Variants in MYLK3 observed in about 807,000 individuals in gnomAD.
The protein encoded by MYLK3 is myosin light chain kinase 3, also known as MLC kinase.
A neutral mutation model predicts 76.3 loss-of-function variants in MYLK3; 55 were observed. The observed-to-expected ratio is 0.72, with a 90% confidence interval of 0.58 to 0.90. The LOEUF (loss-of-function observed/expected upper bound fraction) is 0.90, where lower values mean the gene tolerates loss of function less well. MYLK3 is among the 40% of genes least tolerant of loss of function. The pLI is 0.00. For missense variants in MYLK3, 973 were observed against 1,053.6 expected (o/e 0.92, Z 1.06); for synonymous variants, 416 against 425.4 (o/e 0.98, Z 0.27).
At chr16:46,730,395 C>T (rs1596760351) in intron 5 of MYLK3, among the ~76,000 whole-genome samples, 198 bp downstream of exon 5, 1 of 152,278 alleles carries the variant, frequency 6.6e-6, no homozygotes, top group African/African-American at 2.4e-5. Flanking sequence ...GCTCTCGTGT[C>T]CTCTCAAGCT....
intron 3 of MYLK3, among the ~76,000 whole-genome samples, chr16:46,734,205 A>C (rs1380135316): frequency 6.6e-6 from 1 of 152,194 alleles, no homozygotes; most frequent in African/African-American, 2.4e-5. Context: ...GTGTCTACGC[A>C]TTATATAGCA....
upstream of MYLK3, among the ~76,000 whole-genome samples, chr16:46,748,563 C>T (rs1398211270): frequency 1.3e-5 from 2 of 152,134 alleles, no homozygotes; most frequent in African/African-American, 4.8e-5. The surrounding 1 kb of genome is among the most constrained non-coding windows in gnomAD (Gnocchi z 4.3). Context: ...ACTAATGGTT[C>T]GGAGGAAAGG....
At position 46,707,824 on chromosome 16, in the gene MYLK3, T is replaced by A. The variant is rs1173886344; in HGVS notation, c.2401-61A>T. 3.7e-5 allele frequency: 47 copies of A among 1,279,762 alleles called. 1 individual carries two copies. In the South Asian group the frequency reaches 5.5e-4, roughly 15 times the overall value. The allele number at this position is 1,279,762 out of a possible 1,614,324, so 79.3% of individuals were successfully genotyped here. ...CATGTATTTTAGACCAGTTGCCTTA[T>A]GAAGAAACAATAAAAGGATTTAAGT... On this transcript the variant is annotated intron_variant, in intron 12 of 12. Transcript: ENST00000394809.
intron 6 of MYLK3, 36 bp from the exon 7 acceptor site, chr16:46,729,169 G>T (rs373077434): frequency 6.5e-7 from 1 of 1,548,826 alleles, no homozygotes; most frequent in Non-Finnish European, 8.9e-7. Context: ...ATTTCCAAGC[G>T]AATGAGTCAA....
At chr16:46,744,787 C>T (rs1259230686) in intron 1 of MYLK3, among the ~76,000 whole-genome samples, 3 of 152,060 alleles carry the variant, frequency 2.0e-5, no homozygotes, top group Non-Finnish European at 4.4e-5. Flanking sequence ...ATTGCTTGAG[C>T]CCAGGAGTTC....
Position 46,748,182 on chromosome 16 carries a change from G to C in MYLK3, c.12C>G (p.Thr4=). 6.2e-7 allele frequency: 1 copy of C among 1,612,694 alleles called. No individual in the cohort carries two copies. The highest frequency in any genetic ancestry group is 8.5e-7 in the Non-Finnish European group (1 of 1,179,100). MSG[T]SKESLGHGGL... Reference sequence around the variant, plus strand: ...CCCCATGCCCCAGACTCTCCTTGGAGGTTCCTGACATGCTGGTGCAGGCTT... The same window carrying C: ...CCCCATGCCCCAGACTCTCCTTGGACGTTCCTGACATGCTGGTGCAGGCTT... Residue 4 remains threonine, a synonymous_variant, in exon 1 of 13, where the codon ACC becomes ACG. Transcript: ENST00000394809. This position sits in a 1 kb window ranked among gnomAD's most constrained non-coding sequence, Gnocchi z 4.3.
chr16:46,752,427 C>G (rs989629814), upstream of MYLK3, among the ~76,000 whole-genome samples: 2 of 152,066 alleles, frequency 1.3e-5, no homozygotes, highest in African/African-American at 4.8e-5. Flanking sequence ...AATGTCGTCA[C>G]CCAGGTATTA....
intron 5 of MYLK3, 21 bp downstream of exon 5, chr16:46,730,571 AC>A (rs1254164035): frequency 8.1e-6 from 13 of 1,603,158 alleles, no homozygotes; most frequent in Non-Finnish European, 1.1e-5. Flanking sequence ...AAGCCCCCCA[AC>A]CAAGGCAGAT....
chr16:46,734,757 T>C (rs1453579250), intron 3 of MYLK3, among the ~76,000 whole-genome samples: 1 of 152,174 alleles, frequency 6.6e-6, no homozygotes, highest in Non-Finnish European at 1.5e-5. Context: ...TAGTGGATGA[T>C]GAATCTCAGT....
intron 1 of MYLK3, among the ~76,000 whole-genome samples, chr16:46,758,001 C>T (rs1457184363): frequency 1.3e-5 from 2 of 152,086 alleles, no homozygotes; most frequent in Non-Finnish European, 2.9e-5. Context: ...CTGCTTGTAC[C>T]CTGGCCGGAC....
intron 8 of MYLK3, chr16:46,726,713 GAAAGAA>G (rs1471082929): frequency 1.5e-5 from 2 of 132,050 alleles, no homozygotes; most frequent in African/African-American, 5.6e-5. Context: ...AAGAAAGAAA[GAAAGAA>G]AGAAAGAAAG....
At chr16:46,737,651 C>T in intron 3 of MYLK3, 60 bp downstream of exon 3, 1 of 1,495,904 alleles carries the variant, frequency 6.7e-7, no homozygotes, top group Non-Finnish European at 9.0e-7. Context: ...CACGGCCGAG[C>T]TCCAGCGAGG....
chr16:46,717,653 T>G (rs539165710), intron 9 of MYLK3, among the ~76,000 whole-genome samples: 1 of 149,974 alleles, frequency 6.7e-6, no homozygotes, highest in South Asian at 2.1e-4. Context: ...TGCACGGGAG[T>G]CCTGAGTGCC....
chr16:46,723,603 CA>C (rs1327950989), intron 8 of MYLK3, among the ~76,000 whole-genome samples: 1 of 150,938 alleles, frequency 6.6e-6, no homozygotes, highest in Non-Finnish European at 1.5e-5. Flanking sequence ...TTTACAACCC[CA>C]CCAGCAATGT....
intron 4 of MYLK3, among the ~76,000 whole-genome samples, chr16:46,731,181 C>A (rs937417584): frequency 6.6e-6 from 1 of 152,192 alleles, no homozygotes. Context: ...CCAGCTGAGC[C>A]CAACCAGAAG....
chr16:46,748,172 T>C lies in MYLK3; in HGVS notation c.22A>G (p.Ser8Gly), dbSNP rs1446182464. The change falls in exon 1 of 13, where the codon AGT becomes GGT. Residue 8 changes from serine to glycine, a missense_variant. Ser to Gly is a moderately conservative substitution (Grantham distance 56, BLOSUM62 0). Transcript: ENST00000394809. The surrounding 1 kb of genome is among the most constrained non-coding windows in gnomAD (Gnocchi z 4.3). The part of the protein sequence containing the change: MSGTSKE[S>G]LGHGGLPGLG... ...CCTGGCAGCCCCCCATGCCCCAGAC[T>C]CTCCTTGGAGGTTCCTGACATGCTG... 1.2e-6 allele frequency: 2 copies of C among 1,613,548 alleles called. No homozygotes were observed. The highest frequency in any genetic ancestry group is 2.2e-5 in the South Asian group (2 of 91,006).
Position 46,732,315 on chromosome 16 carries a change from C to A in MYLK3, c.1355G>T (p.Gly452Val), listed in dbSNP as rs764079283. 6.2e-7 allele frequency: 1 copy of A among 1,611,822 alleles called. No homozygotes were observed. The highest frequency in any genetic ancestry group is 1.3e-5 in the African/African-American group (1 of 74,952). Residue 452 changes from glycine (G) to valine (V), a missense_variant, in exon 4 of 13, where the codon GGG (glycine) becomes GTG (valine). Gly to Val is a moderately radical substitution (Grantham distance 109). Around this residue, in one of 2 missense-constraint regions of MYLK3, gnomAD observed 641 missense variants for 637.0 expected, o/e 1.01. Coordinates refer to ENST00000394809, the MANE Select transcript of MYLK3 (RefSeq NM_182493.3). ...CTGCTCAGGCTCAGGGTTTCCCGCC[C>A]CTGGGCTTTTGCCCTGCTGCAGGCC... Reference protein sequence around the residue: ...ALGLQQGKSPGAGNPEPEQDC... With the variant: ...ALGLQQGKSPVAGNPEPEQDC...
At chr16:46,758,302 ACACT>A (rs1967229190) in intron 1 of MYLK3, among the ~76,000 whole-genome samples, 3 of 53,878 alleles carry the variant, frequency 5.6e-5, no homozygotes, top group African/African-American at 1.8e-4. Context: ...ACACACACAC[ACACT>A]CTCTCTCTCT....
At chr16:46,737,183 TA>T (rs961380888) in intron 3 of MYLK3, among the ~76,000 whole-genome samples, 2 of 152,248 alleles carry the variant, frequency 1.3e-5, no homozygotes, top group African/African-American at 4.8e-5. Flanking sequence ...ATCCCAACTC[TA>T]TGAATTCCTA....
Sources: gnomAD v4.1 joint callset for allele counts (sites outside exome capture counted in the v4.1 genomes callset) on GRCh38, gnomAD v4.1.1 for gene constraint, gnomAD v4.1.1 regional missense constraint, Gnocchi (gnomAD v3.1) non-coding constraint, MANE v1.5 for transcripts, NCBI Gene and HGNC (gene_info 2026-07-23, HGNC 2026-07-21) for gene names.